Variants in GOLM2 observed in about 807,000 individuals in gnomAD.
GOLM2 encodes the protein protein GOLM2.
GOLM2 carries 26 observed loss-of-function variants against 55.9 expected under a neutral mutation model. That is an observed-to-expected ratio of 0.47 (90% CI 0.34 to 0.65). The LOEUF (loss-of-function observed/expected upper bound fraction) is 0.65, where lower values mean the gene tolerates loss of function less well. Among genes scored for constraint, GOLM2 ranks in the 30% least tolerant of loss-of-function variants. GOLM2 has a pLI of 0.01. For missense variants in GOLM2, 486 were observed against 531.8 expected, an observed-to-expected ratio of 0.91 and a Z score of 0.85; for synonymous variants, 165 against 194.6, an observed-to-expected ratio of 0.85 and a Z score of 1.27.
chr15:44,411,829 A>C (rs1340258363), intron 9 of GOLM2, among the ~76,000 whole-genome samples: 16 of 110,194 alleles, frequency 1.5e-4, no homozygotes, highest in Non-Finnish European at 2.8e-4. Context: ...ACTGCATCTC[A>C]AAAAAAAAAA....
At chr15:44,290,001 A>T (rs2078708984) in intron 1 of GOLM2, among the ~76,000 whole-genome samples, 1 of 152,200 alleles carries the variant, frequency 6.6e-6, no homozygotes, top group Non-Finnish European at 1.5e-5. Flanking sequence ...TTGTTAATGA[A>T]ATCAGCCAAA....
At chr15:44,294,532 G>A (rs1014519083) in intron 1 of GOLM2, among the ~76,000 whole-genome samples, 15 of 152,050 alleles carry the variant, frequency 9.9e-5, no homozygotes, top group Non-Finnish European at 1.5e-5. Flanking sequence ...GGCTAGCATG[G>A]TGAAACTCCG....
intron 8 of GOLM2, among the ~76,000 whole-genome samples, chr15:44,385,089 A>G (rs1000158323): frequency 6.6e-6 from 1 of 152,088 alleles, no homozygotes; most frequent in Non-Finnish European, 1.5e-5. Context: ...CTGTTGATGT[A>G]TATATGGGTT....
chr15:44,406,967 G>A (rs2079600925), intron 9 of GOLM2: 1 of 150,918 alleles, frequency 6.6e-6, no homozygotes, highest in African/African-American at 2.4e-5. Flanking sequence ...TAATCATTGG[G>A]GTCAGCACTA....
chr15:44,403,061 GTGGGCCTGGCCTCCA>G lies in GOLM2; in HGVS notation c.1240+10_1240+24del, dbSNP rs769489910. On this transcript the variant is annotated splice_region_variant and intron_variant, in intron 9 of 9. Coordinates refer to ENST00000299957, the MANE Select transcript of GOLM2 (RefSeq NM_138423.4). ...GGAGAGGAAGACGTCCAAGGTGAGC[GTGGGCCTGGCCTCCA>G]TGCTATAACCATGAAACCCACCTCT... 1 of 1,613,990 alleles carries G rather than the reference GTGGGCCTGGCCTCCA, an allele frequency of 6.2e-7. No individual in the cohort carries two copies. The highest frequency in any genetic ancestry group is 1.7e-5 in the Admixed American group (1 of 59,982).
chr15:44,360,291 T>C (rs1040911087), intron 6 of GOLM2, among the ~76,000 whole-genome samples: 10 of 152,092 alleles, frequency 6.6e-5, no homozygotes, highest in South Asian at 2.1e-4. Context: ...CATCAGTGTG[T>C]TGTATTCAGG....
intron 6 of GOLM2, among the ~76,000 whole-genome samples, chr15:44,369,466 G>A (rs540214366): frequency 1.0e-3 from 153 of 151,710 alleles, no homozygotes; most frequent in Non-Finnish European, 1.6e-3. Context: ...TCCCCAACAA[G>A]AATGTAAGCT....
At chr15:44,317,680 C>T (rs188208952) in intron 1 of GOLM2, among the ~76,000 whole-genome samples, 19 of 152,166 alleles carry the variant, frequency 1.2e-4, no homozygotes, top group East Asian at 3.9e-4. Context: ...GGTCGTCGCC[C>T]GAGCTCCATA....
rs766099931 is a variant in GOLM2 at position 44,289,169 on chromosome 15, C to T, written c.140C>T (p.Ala47Val). Residue 47 changes from alanine to valine, a missense_variant, in exon 1 of 10, where the codon GCC (alanine) becomes GTC (valine). By Grantham distance (64) the Ala-to-Val change is moderately conservative (BLOSUM62 0). Transcript: ENST00000299957. This position sits in a 1 kb window ranked among gnomAD's most constrained non-coding sequence, Gnocchi z 4.8. ...CACGTCCTGCTTCAGGAGGAGGTGG[C>T]CGAGCTGCAGGGCCAGGTCCAGCGC... ...SRHVLLQEEV[A>V]ELQGQVQRTE... 4 of 1,614,138 alleles carry T rather than the reference C, an allele frequency of 2.5e-6. No individual in the cohort carries two copies. Among genetic ancestry groups the T allele is most frequent in the Non-Finnish European group, 2.5e-6 (3 of 1,180,024 alleles).
chr15:44,338,859 G>A (rs1033296828), intron 6 of GOLM2, among the ~76,000 whole-genome samples: 1 of 151,820 alleles, frequency 6.6e-6, no homozygotes, highest in African/African-American at 2.4e-5. Flanking sequence ...TAATGTGTCT[G>A]CTGCTTATCC....
At chr15:44,322,407 T>C (rs1237863225) in intron 1 of GOLM2, among the ~76,000 whole-genome samples, 4 of 152,172 alleles carry the variant, frequency 2.6e-5, no homozygotes, top group Non-Finnish European at 4.4e-5. Context: ...TTCTGATTAA[T>C]GTGAATCTGC....
intron 8 of GOLM2, among the ~76,000 whole-genome samples, chr15:44,386,895 C>T (rs975388418): frequency 6.6e-6 from 1 of 151,736 alleles, no homozygotes; most frequent in Non-Finnish European, 1.5e-5. Context: ...AAAAAATTGG[C>T]CGAGTGCGGT....
intron 6 of GOLM2, among the ~76,000 whole-genome samples, chr15:44,344,287 GTATATATATATA>G (rs143483392): frequency 1.4e-5 from 2 of 138,312 alleles, no homozygotes; most frequent in African/African-American, 5.4e-5. Flanking sequence ...ATATGTGTGT[GTATATATATATA>G]TATATATATA....
chr15:44,380,824 A>T lies in GOLM2; in HGVS notation c.920A>T (p.Asn307Ile). 2 of 1,554,864 alleles carry T rather than the reference A, an allele frequency of 1.3e-6. No individual in the cohort carries two copies. Among genetic ancestry groups the T allele is most frequent in the Non-Finnish European group, 1.7e-6 (2 of 1,151,568 alleles). Residue 307 changes from asparagine (N) to isoleucine (I), a missense_variant, in exon 8 of 10, where the codon AAT becomes ATT. Physicochemically the swap from Asn to Ile is moderately radical, Grantham distance 149 (BLOSUM62 -3). Transcript: ENST00000299957. ...NMPPDSHINH[N>I]GNPGTSKQNP... ...GCCACAGATTCACACATAAACCACAATGGAAACCCCGGTACTTCAAAACAG... is the reference window on the plus strand; with the variant it reads ...GCCACAGATTCACACATAAACCACATTGGAAACCCCGGTACTTCAAAACAG...
chr15:44,409,636 C>CTG (rs1285407644), intron 9 of GOLM2: 1 of 131,810 alleles, frequency 7.6e-6, no homozygotes, highest in African/African-American at 2.8e-5. Context: ...ATGCTGGGCG[C>CTG]TGTGCCTCAC....
At chr15:44,346,808 A>T (rs1467240865) in intron 6 of GOLM2, among the ~76,000 whole-genome samples, 2 of 152,148 alleles carry the variant, frequency 1.3e-5, no homozygotes, top group Non-Finnish European at 2.9e-5. Context: ...CTAATAAACT[A>T]CCTATTCAAA....
Position 44,369,206 on chromosome 15 carries a change from A to G in GOLM2, c.803-10484A>G, listed in dbSNP as rs199956157. 3.5e-3 allele frequency among the ~76,000 whole-genome samples: 388 copies of G among 110,162 alleles called. 3 individuals are homozygous for G. The highest frequency in any genetic ancestry group is 9.0e-3 in the South Asian group (32 of 3,548). The allele number at this position is 110,162 out of a possible 152,430, so 72.3% of individuals were successfully genotyped here. A position where few individuals can be genotyped will look rare whatever the true frequency, so the allele number is the denominator to read the frequency against. ...GATATGTGTGTGTATATATATATATATGTGTGTGTGTGTGTGTGTGTGTGT... is the reference window on the plus strand; with the variant it reads ...GATATGTGTGTGTATATATATATATGTGTGTGTGTGTGTGTGTGTGTGTGT... On this transcript the variant is annotated intron_variant, in intron 6 of 9. Coordinates refer to ENST00000299957, the MANE Select transcript of GOLM2 (RefSeq NM_138423.4).
At chr15:44,393,020 C>A (rs938738500) in intron 8 of GOLM2, among the ~76,000 whole-genome samples, 10 of 151,750 alleles carry the variant, frequency 6.6e-5, no homozygotes, top group African/African-American at 2.4e-4. Flanking sequence ...ACTGTAGATT[C>A]TAATCAATGA....
At chr15:44,330,996 G>GT (rs2079019318) in intron 3 of GOLM2, among the ~76,000 whole-genome samples, 1 of 151,910 alleles carries the variant, frequency 6.6e-6, no homozygotes, top group African/African-American at 2.4e-5. Context: ...AAGTTGGTGG[G>GT]TTTTTTTGTT....
Sources: gnomAD v4.1 joint callset for allele counts (sites outside exome capture counted in the v4.1 genomes callset) on GRCh38, gnomAD v4.1.1 for gene constraint, Gnocchi (gnomAD v3.1) non-coding constraint, MANE v1.5 for transcripts, NCBI Gene and HGNC (gene_info 2026-07-23, HGNC 2026-07-21) for gene names.